Variants in BORCS7 observed in about 807,000 individuals in gnomAD.
BORCS7 encodes the protein BLOC-1 related complex subunit 7.
Under a neutral mutation model 17.5 loss-of-function variants are expected in BORCS7, and 20 were observed. The observed-to-expected ratio is 1.14, with a 90% CI of 0.80 to 1.66. BORCS7 has a LOEUF of 1.66. BORCS7 is among the 40% of genes most tolerant of loss of function. The pLI is 0.00. For synonymous variants in BORCS7, 57 were observed against 49.8 expected, an observed-to-expected ratio of 1.14 and a Z score of -0.61; for missense variants, 122 against 129.7, an observed-to-expected ratio of 0.94 and a Z score of 0.29.
intron 1 of BORCS7, among the ~76,000 whole-genome samples, chr10:102,856,991 C>T (rs957218173): frequency 7.2e-5 from 11 of 152,162 alleles, no homozygotes; most frequent in Non-Finnish European, 4.4e-5. Flanking sequence ...CCTCATTCCC[C>T]ACTCTAGTCC....
At position 102,858,190 on chromosome 10, in the gene BORCS7, T is replaced by G. The variant is rs866147247; in HGVS notation, c.142-2142T>G. On this transcript the variant is annotated intron_variant, in intron 1 of 4. Coordinates refer to ENST00000339834, the MANE Select transcript of BORCS7 (RefSeq NM_001136200.2). The stretch of plus-strand genomic sequence containing the variant: ...AAAAAAAAAAAAATATATATATATA[T>G]AGAGAGAGAGAGCGAGCGAGAGAGA... 4.7e-3 allele frequency among the ~76,000 whole-genome samples: 632 copies of G among 135,040 alleles called. 8 individuals are homozygous for G. Among genetic ancestry groups the G allele is most frequent in the African/African-American group, 0.014 (507 of 36,794 alleles). The allele number at this position is 135,040 out of a possible 152,430, so 88.6% of individuals were successfully genotyped here.
At chr10:102,858,492 A>G (rs939979485) in intron 1 of BORCS7, among the ~76,000 whole-genome samples, 3 of 151,894 alleles carry the variant, frequency 2.0e-5, no homozygotes, top group East Asian at 3.9e-4. Context: ...TCTACTAAAA[A>G]TATAAAAATT....
Position 102,860,337 on chromosome 10 carries a change from A to G in BORCS7, c.147A>G (p.Leu49=), listed in dbSNP as rs1844495764. Residue 49 remains leucine (L), a synonymous_variant, in exon 2 of 5, where the codon CTA becomes CTG. Coordinates refer to ENST00000339834, the MANE Select transcript of BORCS7 (RefSeq NM_001136200.2). ...VLKGSRSSEL[L]GQAARNMVLQ... is the part of the protein sequence containing the mutation. The stretch of plus-strand genomic sequence containing the variant: ...ATTTTATTTTTGTCTTCCAGCTGCT[A>G]GGTCAGGCAGCTCGAAACATGGTAC... 1 of 1,613,932 alleles carries G rather than the reference A, an allele frequency of 6.2e-7. No homozygotes were observed. The highest frequency in any genetic ancestry group is 8.5e-7 in the Non-Finnish European group (1 of 1,179,824).
rs1417980512 is a variant in BORCS7, at chr10:102,864,719, AG to A, written c.*1796del. On this transcript the variant is annotated 3_prime_UTR_variant, in exon 5 of 5. Coordinates refer to ENST00000339834, the MANE Select transcript of BORCS7 (RefSeq NM_001136200.2). ...TGAAACAAAAGTAGCCAGAAATGTT[AG>A]AACAGGTGGAAATGTATACATTATT... 6.6e-6 allele frequency: 1 copy of A among 152,200 alleles called. No individual in the cohort carries two copies. Among genetic ancestry groups the A allele is most frequent in the African/African-American group, 2.4e-5 (1 of 41,472 alleles). 9.4% of individuals were successfully genotyped at this position (152,200 alleles called of 1,614,324 possible).
At chr10:102,854,978 A>T (rs547407267) in intron 1 of BORCS7, among the ~76,000 whole-genome samples, 1 of 147,280 alleles carries the variant, frequency 6.8e-6, no homozygotes, top group South Asian at 2.1e-4. Flanking sequence ...TAATATATGT[A>T]ATATATATTA....
In BORCS7 at chr10:102,860,551, C is replaced by A; in HGVS notation, c.248+10C>A. 8 of 1,609,788 alleles carry A rather than the reference C, an allele frequency of 5.0e-6. No homozygotes were observed. The highest frequency in any genetic ancestry group is 6.8e-6 in the Non-Finnish European group (8 of 1,176,234). ...CACATCTTCAATACCAGTGAGTATG[C>A]CCCCTCCAGCAACTATTTGCTGCAG... On this transcript the variant is annotated intron_variant, in intron 3 of 4. Transcript: ENST00000339834.
At chr10:102,858,976 A>G (rs1464475612) in intron 1 of BORCS7, among the ~76,000 whole-genome samples, 1 of 151,800 alleles carries the variant, frequency 6.6e-6, no homozygotes, top group Non-Finnish European at 1.5e-5. Context: ...GTATTAGGCC[A>G]GAAATCTCTG....
At position 102,858,173 on chromosome 10, in the gene BORCS7, A is replaced by AT. The variant is rs1564786315; in HGVS notation, c.142-2159_142-2158insT. 1.3e-3 allele frequency among the ~76,000 whole-genome samples: 159 copies of AT among 120,632 alleles called. 3 individuals carry two copies. Among genetic ancestry groups the AT allele is most frequent in the Middle Eastern group, 4.2e-3 (1 of 238 alleles). The allele number at this position is 120,632 out of a possible 152,430, so 79.1% of individuals were successfully genotyped here. Reference sequence around the variant, plus strand: ...GAGTGAGACCATGTCTCAAAAAAAAAAAAATATATATATATATAGAGAGAG... The same window carrying AT: ...GAGTGAGACCATGTCTCAAAAAAAAATAAAATATATATATATATAGAGAGAG... On this transcript the variant is annotated intron_variant, in intron 1 of 4. Transcript: ENST00000339834.
intron 1 of BORCS7, among the ~76,000 whole-genome samples, chr10:102,855,842 A>G (rs529309116): frequency 2.0e-5 from 3 of 152,142 alleles, no homozygotes; most frequent in African/African-American, 7.2e-5. Flanking sequence ...GCTCACTGCA[A>G]CCTCTGCCTC....
chr10:102,857,983 CA>C (rs1227142469), intron 1 of BORCS7, among the ~76,000 whole-genome samples: 2 of 151,560 alleles, frequency 1.3e-5, no homozygotes, highest in African/African-American at 4.9e-5. Context: ...GGCAACATGG[CA>C]AAACCCCATC....
chr10:102,856,236 C>T (rs572424493), intron 1 of BORCS7, among the ~76,000 whole-genome samples: 1 of 152,084 alleles, frequency 6.6e-6, no homozygotes, highest in East Asian at 1.9e-4. Context: ...TAGTGAGGGT[C>T]CATTGTGTTT....
At chr10:102,854,467 G>A (rs1844392162) in intron 1 of BORCS7, 40 bp downstream of exon 1, 1 of 1,508,584 alleles carries the variant, frequency 6.6e-7, no homozygotes, top group Admixed American at 2.2e-5. Flanking sequence ...ATAGTCCGGG[G>A]AGTCGCAGTC....
intron 1 of BORCS7, among the ~76,000 whole-genome samples, chr10:102,858,129 C>T (rs936704813): frequency 7.5e-5 from 11 of 146,196 alleles, no homozygotes; most frequent in African/African-American, 2.5e-4. Flanking sequence ...GGTGCCACTG[C>T]GCTCCAGCCT....
intron 1 of BORCS7, among the ~76,000 whole-genome samples, chr10:102,858,187 A>T (rs1268881747): frequency 1.1e-5 from 1 of 93,122 alleles, no homozygotes; most frequent in African/African-American, 3.6e-5. Context: ...ATATATATAT[A>T]TATAGAGAGA....
At position 102,854,263 on chromosome 10, in the gene BORCS7, G is replaced by A. The variant is rs779890664; in HGVS notation, c.-24G>A. On this transcript the variant is annotated 5_prime_UTR_variant, in exon 1 of 5. In the 5' UTR this introduces an upstream ATG that the reference lacks. Transcript: ENST00000339834. ...TGGCCCCGGCGACTCACCATCGTCA[G>A]TGCGCAACCGTTCGCTAACTGAAAT... The A allele has an allele frequency of 4.4e-6, 7 of 1,602,348 alleles. No homozygotes were observed. The highest frequency in any genetic ancestry group is 2.7e-5 in the African/African-American group (2 of 74,820).
At chr10:102,862,465 G>A (rs1357899237) in intron 4 of BORCS7, among the ~76,000 whole-genome samples, 1 of 152,232 alleles carries the variant, frequency 6.6e-6, no homozygotes, top group Non-Finnish European at 1.5e-5. Flanking sequence ...ATTAAGCAGA[G>A]TAAATGTGCA....
In BORCS7 at chr10:102,861,759, A is replaced by AAT. The variant is rs1844525294; in HGVS notation, c.249-390_249-389dup. On this transcript the variant is annotated intron_variant, in intron 3 of 4. Coordinates refer to ENST00000339834, the MANE Select transcript of BORCS7 (RefSeq NM_001136200.2). Reference sequence around the variant, plus strand: ...AACAAAAACAAAAGCAAACAAACAAAATATATATATATGGTTAGGAATTTC... The same window carrying AAT: ...AACAAAAACAAAAGCAAACAAACAAAATATATATATATATGGTTAGGAATTTC... Among the ~76,000 whole-genome samples, 13 of 151,968 alleles carry AAT rather than the reference A, an allele frequency of 8.6e-5. No individual in the cohort carries two copies. In the South Asian group the frequency reaches 2.7e-3, roughly 32 times the overall value.
Position 102,863,635 on chromosome 10 carries a change from AT to A in BORCS7, c.*718del, listed in dbSNP as rs961539087. ...CTTCTATTATGAACACATGAGAATG[AT>A]TTTTTTCTCTTAATCATTATTAAGG... is the stretch of plus-strand genomic sequence containing the variant. On this transcript the variant is annotated 3_prime_UTR_variant, in exon 5 of 5. Coordinates refer to ENST00000339834, the MANE Select transcript of BORCS7 (RefSeq NM_001136200.2). 4 of 152,134 alleles carry A rather than the reference AT, an allele frequency of 2.6e-5. No homozygotes were observed. The highest frequency in any genetic ancestry group is 1.3e-4 in the Admixed American group (2 of 15,260). The allele number at this position is 152,134 out of a possible 1,614,324, so 9.4% of individuals were successfully genotyped here. A position where few individuals can be genotyped will look rare whatever the true frequency, so the allele number is the denominator to read the frequency against.
intron 3 of BORCS7, 143 bp from the exon 4 acceptor site, chr10:102,862,017 A>G (rs1844528824): frequency 1.3e-6 from 1 of 768,578 alleles, no homozygotes; most frequent in Non-Finnish European, 2.1e-6. Context: ...TCCCTGTTCA[A>G]TAGCACAATC....
Sources: allele counts gnomAD v4.1 joint callset (sites outside exome capture counted in the v4.1 genomes callset), GRCh38; gene constraint gnomAD v4.1.1; transcripts MANE v1.5; gene names NCBI Gene and HGNC (gene_info 2026-07-23, HGNC 2026-07-21).